ALKAL1: variants seen among roughly 807,000 people sequenced by gnomAD.
The protein encoded by ALKAL1 is ALK and LTK ligand 1.
ALKAL1 carries 23 observed loss-of-function variants against 13.5 expected under a neutral mutation model. That is an observed-to-expected ratio of 1.70 (90% CI 1.23 to 2.41). The LOEUF is 2.41. Among genes scored for constraint, ALKAL1 ranks in the 30% most tolerant of loss-of-function variants. The pLI is 0.00. For synonymous variants in ALKAL1, 85 were observed against 77.7 expected (o/e 1.09, Z -0.49); for missense variants, 181 against 178.4 (o/e 1.01, Z -0.08).
At position 52,542,463 on chromosome 8, in the gene ALKAL1, A is replaced by G. The variant is rs200931592; in HGVS notation, c.191-18T>C. On this transcript the variant is annotated intron_variant, in intron 1 of 4. Transcript: ENST00000358543. ...GAATATTTCTGAAAAGAAAAAAAAA[A>G]CCATCAGAATTTATTGAATGCATTT... The G allele has an allele frequency of 1.5e-4, 218 of 1,445,418 alleles. 2 individuals carry two copies. The East Asian group carries it at 4.9e-3, about 32-fold the overall frequency. The allele number at this position is 1,445,418 out of a possible 1,614,324, so 89.5% of individuals were successfully genotyped here.
intron 4 of ALKAL1, among the ~76,000 whole-genome samples, chr8:52,536,194 G>A (rs1410733455): frequency 6.6e-6 from 1 of 152,012 alleles, no homozygotes; most frequent in Non-Finnish European, 1.5e-5. Flanking sequence ...CCGCCTCGGC[G>A]TCCCAAAGTG....
At chr8:52,562,504 G>T (rs193163086) in intron 1 of ALKAL1, among the ~76,000 whole-genome samples, 1 of 152,072 alleles carries the variant, frequency 6.6e-6, no homozygotes, top group African/African-American at 2.4e-5. Context: ...AGTGTTCCTG[G>T]GAACCTAACA....
chr8:52,538,388 GTTAGACTA>G, intron 4 of ALKAL1, 35 bp downstream of exon 4: 1 of 1,118,254 alleles, frequency 8.9e-7, no homozygotes, highest in South Asian at 1.4e-5. Context: ...TAAAAATAAA[GTTAGACTA>G]TTAAACAGGA....
rs995111659 is a variant in ALKAL1, at chr8:52,538,520, T to C, written c.326-13A>G. On this transcript the variant is annotated splice_polypyrimidine_tract_variant and intron_variant, in intron 3 of 4. Coordinates refer to ENST00000358543, the MANE Select transcript of ALKAL1 (RefSeq NM_207413.4). ...CATCTTTTGTAATCTAGGAAAAACA[T>C]TTAAAGGTAAATTATATATAGAGTT... 1 of 1,564,340 alleles carries C rather than the reference T, an allele frequency of 6.4e-7. No individual in the cohort carries two copies. Among genetic ancestry groups the C allele is most frequent in the Non-Finnish European group, 8.8e-7 (1 of 1,138,936 alleles).
rs1390400546 is a variant in ALKAL1 at position 52,565,003 on chromosome 8, C to A, written c.190+64G>T. The A allele has an allele frequency of 3.9e-6, 5 of 1,279,514 alleles. 1 individual carries two copies. In the Admixed American group the frequency reaches 1.2e-4, roughly 31 times the overall value. The allele number at this position is 1,279,514 out of a possible 1,614,324, so 79.3% of individuals were successfully genotyped here. ...CCCAAAGCGAGTGCCTCGCCCAGCT[C>A]CTAGGGGAATCCACGGAGCCCCAGG... is the stretch of plus-strand genomic sequence containing the variant. On this transcript the variant is annotated intron_variant, in intron 1 of 4. Coordinates refer to ENST00000358543, the MANE Select transcript of ALKAL1 (RefSeq NM_207413.4).
At position 52,565,133 on chromosome 8, in the gene ALKAL1, G is replaced by A; in HGVS notation, c.124C>T (p.Pro42Ser). The A allele has an allele frequency of 7.1e-7, 1 of 1,415,510 alleles. No individual in the cohort carries two copies. The allele number at this position is 1,415,510 out of a possible 1,614,324, so 87.7% of individuals were successfully genotyped here. Residue 42 changes from proline to serine, a missense_variant, in exon 1 of 5, where the codon CCC (proline) becomes TCC (serine). By Grantham distance (74) the Pro-to-Ser change is moderately conservative. Coordinates refer to ENST00000358543, the MANE Select transcript of ALKAL1 (RefSeq NM_207413.4). ...GCGGGGAGGAAAAGCAACGGCTTGGGCTCCTTATCCGTGACGCGCGCTCCC... is the reference window on the plus strand; with the variant it reads ...GCGGGGAGGAAAAGCAACGGCTTGGACTCCTTATCCGTGACGCGCGCTCCC... ...RRGARVTDKE[P>S]KPLLFLPAAG...
At chr8:52,536,292 A>AGTACC (rs1847266508) in intron 4 of ALKAL1, among the ~76,000 whole-genome samples, 1 of 152,206 alleles carries the variant, frequency 6.6e-6, no homozygotes, top group Non-Finnish European at 1.5e-5. Flanking sequence ...CGTTTCCTTA[A>AGTACC]AAGGACTTGT....
Position 52,534,523 on chromosome 8 carries a change from T to C in ALKAL1, c.*90A>G. The C allele has an allele frequency of 1.7e-6, 1 of 577,656 alleles. No homozygotes were observed. The highest frequency in any genetic ancestry group is 3.0e-6 in the Non-Finnish European group (1 of 330,550). 35.8% of individuals were successfully genotyped at this position (577,656 alleles called of 1,614,324 possible). A position where few individuals can be genotyped will look rare whatever the true frequency, so the allele number is the denominator to read the frequency against. On this transcript the variant is annotated 3_prime_UTR_variant, in exon 5 of 5. Transcript: ENST00000358543. Reference sequence around the variant, plus strand: ...ACTCATCTTAATATCCATAAAAATATAAATTTCATCTTTTTTTACATTTTG... The same window carrying C: ...ACTCATCTTAATATCCATAAAAATACAAATTTCATCTTTTTTTACATTTTG...
intron 1 of ALKAL1, among the ~76,000 whole-genome samples, chr8:52,554,325 C>A (rs1009856439): frequency 2.0e-5 from 3 of 152,188 alleles, no homozygotes; most frequent in Non-Finnish European, 4.4e-5. Flanking sequence ...AGAATGACAA[C>A]CAAATGACAA....
intron 1 of ALKAL1, among the ~76,000 whole-genome samples, chr8:52,556,332 G>A (rs372442540): frequency 2.2e-4 from 34 of 152,250 alleles, no homozygotes; most frequent in African/African-American, 7.0e-4. Flanking sequence ...TCCTAAGAAT[G>A]GAATATGTAT....
intron 1 of ALKAL1, among the ~76,000 whole-genome samples, chr8:52,543,869 C>T (rs1354995526): frequency 6.6e-6 from 1 of 152,126 alleles, no homozygotes; most frequent in Non-Finnish European, 1.5e-5. Flanking sequence ...AATTCTATTT[C>T]CAAAAGCATT....
chr8:52,539,033 C>G (rs972176697), intron 3 of ALKAL1, among the ~76,000 whole-genome samples: 1 of 152,106 alleles, frequency 6.6e-6, no homozygotes, highest in Non-Finnish European at 1.5e-5. Context: ...CTCAAGCGAT[C>G]CGCTTGCCTC....
chr8:52,549,917 G>C (rs1847413587), intron 1 of ALKAL1, among the ~76,000 whole-genome samples: 1 of 152,084 alleles, frequency 6.6e-6, no homozygotes, highest in South Asian at 2.1e-4. Context: ...ACTCCAGCCT[G>C]GGTGACAGAG....
chr8:52,538,691 C>G (rs1847286151), intron 3 of ALKAL1, among the ~76,000 whole-genome samples, 184 bp from the exon 4 acceptor site: 1 of 152,014 alleles, frequency 6.6e-6, no homozygotes, highest in Non-Finnish European at 1.5e-5. Flanking sequence ...GGTGCTATTC[C>G]TATCTTCACT....
chr8:52,553,583 T>C (rs1847450729), intron 1 of ALKAL1, among the ~76,000 whole-genome samples: 1 of 152,162 alleles, frequency 6.6e-6, no homozygotes, highest in Admixed American at 6.5e-5. Flanking sequence ...TTTTATAAAT[T>C]CAGGTAGACA....
chr8:52,557,263 G>C (rs552103817), intron 1 of ALKAL1, among the ~76,000 whole-genome samples: 149 of 152,310 alleles, frequency 9.8e-4, no homozygotes, highest in Admixed American at 1.9e-3. Flanking sequence ...TCCTAGGCCA[G>C]GAGCCTGGTC....
At chr8:52,542,245 C>A in intron 2 of ALKAL1, 147 bp downstream of exon 2, 1 of 563,724 alleles carries the variant, frequency 1.8e-6, no homozygotes, top group Admixed American at 3.5e-5. Context: ...TTACAGTTAA[C>A]ACAAGTTAGT....
At chr8:52,549,151 C>A (rs1648291883) in intron 1 of ALKAL1, among the ~76,000 whole-genome samples, 1 of 151,906 alleles carries the variant, frequency 6.6e-6, no homozygotes, top group South Asian at 2.1e-4. Context: ...ATGTTTCAAT[C>A]TAGCATTACA....
rs2150349169 is a variant in ALKAL1 at position 52,565,227 on chromosome 8, C to A, written c.30G>T (p.Leu10Phe). 1 of 1,325,642 alleles carries A rather than the reference C, an allele frequency of 7.5e-7. No homozygotes were observed. Among genetic ancestry groups the A allele is most frequent in the Non-Finnish European group, 9.7e-7 (1 of 1,030,696 alleles). 82.1% of individuals were successfully genotyped at this position (1,325,642 alleles called of 1,614,324 possible). A position where few individuals can be genotyped will look rare whatever the true frequency, so the allele number is the denominator to read the frequency against. MRPLKPGAP[L>F]PALFLLALAL... ...CCAGCGCCAGCAGGAAGAGTGCGGG[C>A]AAAGGGGCGCCGGGCTTAAGGGGCC... Residue 10 changes from leucine to phenylalanine, a missense_variant, in exon 1 of 5, where the codon TTG (leucine) becomes TTT (phenylalanine). Transcript: ENST00000358543.
Sources: gnomAD v4.1 joint callset for allele counts (sites outside exome capture counted in the v4.1 genomes callset) on GRCh38, gnomAD v4.1.1 for gene constraint, MANE v1.5 for transcripts, NCBI Gene and HGNC (gene_info 2026-07-23, HGNC 2026-07-21) for gene names.